Variants in REXO1 observed in about 807,000 individuals in gnomAD.
The protein encoded by REXO1 is REX1, RNA exonuclease 1 homolog.
A neutral mutation model predicts 102.6 loss-of-function variants in REXO1; 42 were observed. The observed-to-expected ratio is 0.41, with a 90% CI of 0.32 to 0.53. REXO1 has a LOEUF of 0.53. REXO1 is among the 20% of genes least tolerant of loss of function. The probability of loss-of-function intolerance (pLI) is 0.27; values close to 1 mark genes in which losing one functional copy is unlikely to be tolerated. For missense variants in REXO1, 1,819 were observed against 1,732.5 expected (o/e 1.05, Z -0.89); for synonymous variants, 908 against 779.1 (o/e 1.17, Z -2.76).
Position 1,827,968 on chromosome 19 carries a change from T to C in REXO1, c.821A>G (p.Lys274Arg). The C allele has an allele frequency of 6.2e-7, 1 of 1,613,620 alleles. No individual in the cohort carries two copies. The highest frequency in any genetic ancestry group is 2.2e-5 in the East Asian group (1 of 44,864). ...GSEPYTPAPK[K>R]LCDPFGSCDA... ...GCAACTGCCAAAGGGGTCACAGAGCTTCTTGGGAGCAGGTGTGTAGGGCTC... is the reference window on the plus strand; with the variant it reads ...GCAACTGCCAAAGGGGTCACAGAGCCTCTTGGGAGCAGGTGTGTAGGGCTC... The change falls in exon 2 of 16, where the codon AAG (lysine) becomes AGG (arginine). Residue 274 changes from lysine (K) to arginine (R), a missense_variant. Coordinates refer to ENST00000170168, the MANE Select transcript of REXO1 (RefSeq NM_020695.4).
In REXO1 at chr19:1,816,358, G is replaced by T; in HGVS notation, c.3457-13C>A. 1 of 1,589,250 alleles carries T rather than the reference G, an allele frequency of 6.3e-7. No homozygotes were observed. The highest frequency in any genetic ancestry group is 8.6e-7 in the Non-Finnish European group (1 of 1,166,756). On this transcript the variant is annotated splice_polypyrimidine_tract_variant and intron_variant, in intron 14 of 15. Transcript: ENST00000170168. ...TGCTGTGGATGACCTGTGGGCAGCG[G>T]CAGAGATCAGCGCACGTGGGGCCTG...
chr19:1,833,537 G>A (rs1255281278), intron 1 of REXO1, among the ~76,000 whole-genome samples: 1 of 152,232 alleles, frequency 6.6e-6, no homozygotes, highest in Non-Finnish European at 1.5e-5. Context: ...CCTCTGTGCG[G>A]GGAGGGACAG....
intron 1 of REXO1, among the ~76,000 whole-genome samples, chr19:1,844,889 A>G (rs2011467259): frequency 6.6e-6 from 1 of 152,158 alleles, no homozygotes; most frequent in Admixed American, 6.5e-5. Context: ...CTCCCTCAGG[A>G]GAAGCATCAT....
At position 1,826,041 on chromosome 19, in the gene REXO1, A is replaced by T; in HGVS notation, c.1912-98T>A. 2.4e-6 allele frequency: 2 copies of T among 822,366 alleles called. No individual in the cohort carries two copies. Among genetic ancestry groups the T allele is most frequent in the Non-Finnish European group, 4.1e-6 (2 of 485,800 alleles). 50.9% of individuals were successfully genotyped at this position (822,366 alleles called of 1,614,324 possible). A position where few individuals can be genotyped will look rare whatever the true frequency, so the allele number is the denominator to read the frequency against. ...GCCCCCGGCAAGTGGGGAATGGAACAGTCCAGCCCCCAGGCACAGCAGCTG... is the reference window on the plus strand; with the variant it reads ...GCCCCCGGCAAGTGGGGAATGGAACTGTCCAGCCCCCAGGCACAGCAGCTG... On this transcript the variant is annotated intron_variant, in intron 2 of 15. Transcript: ENST00000170168. This position sits in a 1 kb window ranked among gnomAD's most constrained non-coding sequence, Gnocchi z 4.3.
Position 1,826,883 on chromosome 19 carries a change from G to A in REXO1, c.1906C>T (p.Arg636Trp), listed in dbSNP as rs772747988. The A allele has an allele frequency of 1.9e-5, 30 of 1,576,170 alleles. No individual in the cohort carries two copies. Among genetic ancestry groups the A allele is most frequent in the South Asian group, 1.4e-4 (12 of 86,352 alleles). ...VKTEDRGRLA[R>W]QPPKEEKSEE... ...CCAGCACCCGCGCGCCTCACCTGCC[G>A]GGCCAGCCGGCCTCTGTCCTCCGTC... is the stretch of plus-strand genomic sequence containing the variant. Residue 636 changes from arginine to tryptophan, a missense_variant, in exon 2 of 16, where the codon CGG becomes TGG. By Grantham distance (101) the Arg-to-Trp change is moderately radical. Coordinates refer to ENST00000170168, the MANE Select transcript of REXO1 (RefSeq NM_020695.4). The surrounding 1 kb of genome is among the most constrained non-coding windows in gnomAD (Gnocchi z 4.3).
intron 12 of REXO1, 150 bp from the exon 13 acceptor site, chr19:1,816,963 ACCTCAGTAACCC>A: frequency 1.4e-6 from 1 of 718,760 alleles, no homozygotes; most frequent in Non-Finnish European, 2.3e-6. Flanking sequence ...GTGGGGTGTG[ACCTCAGTAACCC>A]CCTTTCGCAA....
chr19:1,816,638 T>TGGGGG, intron 13 of REXO1, 60 bp downstream of exon 13: 20 of 275,558 alleles, frequency 7.3e-5, no homozygotes, highest in Middle Eastern at 4.9e-4. Flanking sequence ...CGGGGGAGGG[T>TGGGGG]GGGTCCCTGG....
chr19:1,822,524 C>T (rs912252255), intron 4 of REXO1: 1 of 152,482 alleles, frequency 6.6e-6, no homozygotes, highest in Non-Finnish European at 1.5e-5. Context: ...GCACTGCCAG[C>T]ACTTGGGACG....
At chr19:1,825,786 T>TAA in intron 3 of REXO1, 53 bp downstream of exon 3, 41 of 1,137,062 alleles carry the variant, frequency 3.6e-5, no homozygotes, top group East Asian at 4.9e-5. Context: ...AACCTCGTCT[T>TAA]TAAAAAAAAA....
At chr19:1,819,199 T>TGGGCC in intron 7 of REXO1, 68 bp from the exon 8 acceptor site, 1 of 1,202,674 alleles carries the variant, frequency 8.3e-7, no homozygotes, top group Admixed American at 2.5e-5. Context: ...CCGCCTGCTC[T>TGGGCC]CCCACCCACC....
At chr19:1,816,633 G>T in intron 13 of REXO1, 64 bp from the exon 14 acceptor site, 3 of 1,481,928 alleles carry the variant, frequency 2.0e-6, no homozygotes, top group Non-Finnish European at 2.8e-6. Context: ...TGGGGCGGGG[G>T]AGGGTGGGTC....
intron 1 of REXO1, among the ~76,000 whole-genome samples, chr19:1,846,900 A>T (rs562953488): frequency 1.3e-5 from 2 of 152,280 alleles, no homozygotes; most frequent in East Asian, 1.9e-4. Flanking sequence ...CTCTAAAAAT[A>T]GGGTTAAAAT....
chr19:1,845,494 T>A (rs1298632960), intron 1 of REXO1, among the ~76,000 whole-genome samples: 3 of 152,122 alleles, frequency 2.0e-5, no homozygotes, highest in Non-Finnish European at 4.4e-5. Flanking sequence ...TGAGACCCCG[T>A]CTCGGCAAAA....
intron 1 of REXO1, among the ~76,000 whole-genome samples, chr19:1,836,366 G>A (rs910037666): frequency 2.0e-5 from 3 of 152,194 alleles, no homozygotes; most frequent in Non-Finnish European, 4.4e-5. Flanking sequence ...AGGACACCCA[G>A]TGCCAGCGAG....
chr19:1,841,453 C>T (rs1355295153), intron 1 of REXO1, among the ~76,000 whole-genome samples: 1 of 152,222 alleles, frequency 6.6e-6, no homozygotes, highest in East Asian at 1.9e-4. Context: ...CCGCACGACG[C>T]TTCCCGTCAC....
At position 1,817,320 on chromosome 19, in the gene REXO1, G is replaced by A; in HGVS notation, c.3100C>T (p.Gln1034Ter). Residue 1034 changes from glutamine (Q) to a stop codon, truncating the protein, a stop_gained, in exon 12 of 16, where the codon CAG (glutamine) becomes TAG (stop). Transcript: ENST00000170168. LOFTEE classifies it high-confidence loss of function. Reference protein sequence around the residue: ...VGCQVAKQHVQDGRKERLEGF... With the variant: ...VGCQVAKQHV ...TCAAGGCGCTCCTTCCGGCCATCCT[G>A]CACGTGTTGCTGGGGGTGGAGAAGG... 1.9e-6 allele frequency: 3 copies of A among 1,612,496 alleles called. No individual in the cohort carries two copies. The highest frequency in any genetic ancestry group is 2.5e-6 in the Non-Finnish European group (3 of 1,179,992).
chr19:1,831,613 C>T (rs1463102874), intron 1 of REXO1, among the ~76,000 whole-genome samples: 1 of 151,808 alleles, frequency 6.6e-6, no homozygotes, highest in East Asian at 1.9e-4. Context: ...GAGGCTGAGG[C>T]GGGCGGATCA....
chr19:1,817,589 G>A, intron 11 of REXO1, 118 bp downstream of exon 11: 1 of 1,433,352 alleles, frequency 7.0e-7, no homozygotes, highest in Middle Eastern at 1.8e-4. Context: ...AAGAAAGGCT[G>A]CCCGGGGGCC....
chr19:1,821,163 T>C (rs373409036), intron 5 of REXO1, among the ~76,000 whole-genome samples: 106 of 151,720 alleles, frequency 7.0e-4, no homozygotes, highest in East Asian at 6.4e-3. Flanking sequence ...CTGGCTAACA[T>C]GGTGAAACCC....
Sources: gnomAD v4.1 joint callset for allele counts (sites outside exome capture counted in the v4.1 genomes callset) on GRCh38, gnomAD v4.1.1 for gene constraint, Gnocchi (gnomAD v3.1) non-coding constraint, MANE v1.5 for transcripts, NCBI Gene and HGNC (gene_info 2026-07-23, HGNC 2026-07-21) for gene names.